The following ZFHX3 variants were observed in gnomAD, a reference collection of about 807,000 sequenced individuals.
ZFHX3 encodes zinc finger homeobox 3, also known as zinc finger homeobox protein 3.
ZFHX3 carries 42 observed loss-of-function variants against 279.1 expected under a neutral mutation model. The observed-to-expected ratio is 0.15, with a 90% CI of 0.12 to 0.19. The LOEUF (loss-of-function observed/expected upper bound fraction) is 0.19, where lower values mean the gene tolerates loss of function less well. Among genes scored for constraint, ZFHX3 ranks in the 10% least tolerant of loss-of-function variants. The probability of loss-of-function intolerance (pLI) is 1.00; values close to 1 mark genes in which losing one functional copy is unlikely to be tolerated. For missense variants in ZFHX3, 4,981 were observed against 4,754.0 expected (o/e 1.05, Z -1.40); for synonymous variants, 2,293 against 1,957.8 (o/e 1.17, Z -4.52).
intron 3 of ZFHX3, among the ~76,000 whole-genome samples, chr16:73,390,106 G>A (rs2016982263): frequency 6.6e-6 from 1 of 151,920 alleles, no homozygotes; most frequent in Non-Finnish European, 1.5e-5. Flanking sequence ...AGTATCTGGA[G>A]GTAACTGGCA....
intron 1 of ZFHX3, among the ~76,000 whole-genome samples, chr16:73,837,956 ATC>A (rs1199960841): frequency 6.6e-6 from 1 of 152,196 alleles, no homozygotes; most frequent in African/African-American, 2.4e-5. Context: ...TTCAAAGGAA[ATC>A]TGTTCCTCTC....
At chr16:72,866,814 C>A (rs903061434) in intron 4 of ZFHX3, among the ~76,000 whole-genome samples, 1 of 152,152 alleles carries the variant, frequency 6.6e-6, no homozygotes, top group African/African-American at 2.4e-5. Flanking sequence ...ATGAACCAAC[C>A]CCACAACAAC....
chr16:73,520,799 A>G (rs1390845679), intron 2 of ZFHX3, among the ~76,000 whole-genome samples: 3 of 152,250 alleles, frequency 2.0e-5, no homozygotes, highest in Non-Finnish European at 1.5e-5. Context: ...ATAAAAGATG[A>G]TTATGAAGAC....
At chr16:72,882,019 G>A (rs61507025) in intron 4 of ZFHX3, among the ~76,000 whole-genome samples, 4,246 of 152,178 alleles carry the variant, frequency 0.028, 125 homozygotes, top group East Asian at 0.13. Context: ...GGGTCCCCAT[G>A]TCACTGGGCT....
chr16:73,793,688 C>T (rs1346056053), intron 1 of ZFHX3, among the ~76,000 whole-genome samples: 2 of 152,106 alleles, frequency 1.3e-5, no homozygotes, highest in Non-Finnish European at 2.9e-5. Context: ...AATACAGCAT[C>T]TATTTTTTTT....
In ZFHX3 at chr16:73,523,098, G is replaced by A. The variant is rs191534360; in HGVS notation, c.-1546-66840C>T. ...GGGACACAGCCAAACCATATCACAAGGAAAGGGAGTTTCACTGTGCCTTTA... is the reference window on the plus strand; with the variant it reads ...GGGACACAGCCAAACCATATCACAAAGAAAGGGAGTTTCACTGTGCCTTTA... On this transcript the variant is annotated intron_variant, in intron 2 of 17. Transcript: ENST00000641206. Among the ~76,000 whole-genome samples, 323 of 152,234 alleles carry A rather than the reference G, an allele frequency of 2.1e-3. 1 individual carries two copies. The highest frequency in any genetic ancestry group is 7.1e-3 in the African/African-American group (296 of 41,544).
At chr16:73,846,413 G>A (rs1053729803) in intron 1 of ZFHX3, among the ~76,000 whole-genome samples, 2 of 152,170 alleles carry the variant, frequency 1.3e-5, no homozygotes, top group African/African-American at 4.8e-5. Flanking sequence ...TCACATTTGA[G>A]TTACTCAACT....
chr16:73,251,909 A>T (rs181898114), intron 5 of ZFHX3, among the ~76,000 whole-genome samples: 12,936 of 127,522 alleles, frequency 0.1, 858 homozygotes, highest in East Asian at 0.45. Context: ...GCACACACAC[A>T]CACCACACAC....
Position 72,793,865 on chromosome 16 carries a change from GTC to G in ZFHX3, c.8815_8816del (p.Asp2939GlnfsTer27). On this transcript the variant is annotated frameshift_variant, in exon 9 of 10. Transcript: ENST00000268489. LOFTEE classifies it high-confidence loss of function. This position sits in a 1 kb window ranked among gnomAD's most constrained non-coding sequence, Gnocchi z 4.3. Reference sequence around the variant, plus strand: ...GTTTCTGCCCAGGCCGATCTCCGCTGTCACCAGATTTGCCTGCAGATCCACTC... The same window carrying G: ...GTTTCTGCCCAGGCCGATCTCCGCTGACCAGATTTGCCTGCAGATCCACTC... ...GASGSAGKSGDSGDRPGQKRF... is the reference protein window; with the variant it reads ...GASGSAGKSGXSGDRPGQKRF... 6.2e-7 allele frequency: 1 copy of G among 1,614,088 alleles called. No individual in the cohort carries two copies. Among genetic ancestry groups the G allele is most frequent in the East Asian group, 2.2e-5 (1 of 44,894 alleles).
chr16:73,773,167 T>C (rs2142294516), intron 1 of ZFHX3, among the ~76,000 whole-genome samples: 1 of 152,372 alleles, frequency 6.6e-6, no homozygotes, highest in South Asian at 2.1e-4. Flanking sequence ...TTTCACTAGC[T>C]ACATCTCAAA....
intron 2 of ZFHX3, among the ~76,000 whole-genome samples, chr16:73,577,118 G>T (rs2051808134): frequency 6.6e-6 from 1 of 152,126 alleles, no homozygotes; most frequent in African/African-American, 2.4e-5. Flanking sequence ...TATGTGAACA[G>T]GTCTCTACCA....
chr16:73,436,286 A>G (rs1396784063), intron 3 of ZFHX3, among the ~76,000 whole-genome samples: 1 of 151,896 alleles, frequency 6.6e-6, no homozygotes, highest in African/African-American at 2.4e-5. Context: ...ACACCATTGC[A>G]CTCCAGCCTG....
intron 7 of ZFHX3, among the ~76,000 whole-genome samples, chr16:72,800,861 C>A (rs1307685858): frequency 6.6e-6 from 1 of 152,200 alleles, no homozygotes; most frequent in Non-Finnish European, 1.5e-5. Flanking sequence ...CATTCTACAA[C>A]AGGGCAGCCC....
intron 1 of ZFHX3, among the ~76,000 whole-genome samples, chr16:73,004,061 G>A (rs1349713412): frequency 6.7e-6 from 1 of 149,672 alleles, no homozygotes; most frequent in Non-Finnish European, 1.5e-5. Flanking sequence ...CAAATGGGCA[G>A]CCTAGATTTA....
intron 3 of ZFHX3, among the ~76,000 whole-genome samples, chr16:73,382,425 AC>A (rs1471349108): frequency 6.6e-6 from 1 of 152,186 alleles, no homozygotes; most frequent in African/African-American, 2.4e-5. Flanking sequence ...AAGACAAACA[AC>A]CCAACAGAAA....
chr16:73,299,794 A>G (rs1304989854), intron 4 of ZFHX3, among the ~76,000 whole-genome samples: 1 of 152,204 alleles, frequency 6.6e-6, no homozygotes, highest in African/African-American at 2.4e-5. Context: ...AACAAAAGGT[A>G]ATGAGAAGCA....
At chr16:73,065,604 T>C (rs996713765) in intron 8 of ZFHX3, among the ~76,000 whole-genome samples, 32 of 145,736 alleles carry the variant, frequency 2.2e-4, no homozygotes, top group African/African-American at 4.6e-4. Flanking sequence ...TGTGTGTGTG[T>C]GTGCGTGTGT....
At chr16:73,468,215 G>A (rs1181086522) in intron 2 of ZFHX3, among the ~76,000 whole-genome samples, 1 of 152,046 alleles carries the variant, frequency 6.6e-6, no homozygotes, top group African/African-American at 2.4e-5. Flanking sequence ...CCTGCTCATC[G>A]CCCACACCTC....
chr16:73,797,687 A>G (rs1960033734), intron 1 of ZFHX3, among the ~76,000 whole-genome samples: 1 of 152,172 alleles, frequency 6.6e-6, no homozygotes, highest in Non-Finnish European at 1.5e-5. Context: ...TGGGTAAGTC[A>G]GGAAGCTTGC....
Sources: allele counts gnomAD v4.1 joint callset (sites outside exome capture counted in the v4.1 genomes callset), GRCh38; gene constraint gnomAD v4.1.1; non-coding constraint Gnocchi (gnomAD v3.1); transcripts MANE v1.5; gene names NCBI Gene and HGNC (gene_info 2026-07-23, HGNC 2026-07-21).